Variants in PRKDC observed in about 807,000 individuals in gnomAD.
The protein encoded by PRKDC is DNA-dependent protein kinase catalytic subunit.
Under a neutral mutation model 486.9 loss-of-function variants are expected in PRKDC, and 82 were observed. That is an observed-to-expected ratio of 0.17 (90% CI 0.14 to 0.20). The LOEUF (loss-of-function observed/expected upper bound fraction) is 0.20, where lower values mean the gene tolerates loss of function less well. PRKDC is among the 10% of genes least tolerant of loss of function. PRKDC has a pLI of 1.00. For missense variants in PRKDC, 4,504 were observed against 5,038.2 expected, an observed-to-expected ratio of 0.89 and a Z score of 3.21; for synonymous variants, 1,895 against 1,837.0, an observed-to-expected ratio of 1.03 and a Z score of -0.81.
chr8:47,929,009 T>C, intron 19 of PRKDC, 83 bp downstream of exon 19: 1 of 1,125,130 alleles, frequency 8.9e-7, no homozygotes, highest in South Asian at 1.4e-5. Context: ...AAAATAATTA[T>C]TTATGATCAC....
At chr8:47,893,031 G>C in intron 31 of PRKDC, 108 bp downstream of exon 31, 3 of 1,319,866 alleles carry the variant, frequency 2.3e-6, no homozygotes, top group Non-Finnish European at 3.0e-6. Context: ...GGGCAAGGTG[G>C]TGCACAGCAC....
At chr8:47,849,347 C>T (rs1376481787) in intron 53 of PRKDC, 32 bp downstream of exon 53, 3 of 1,613,748 alleles carry the variant, frequency 1.9e-6, no homozygotes, top group Non-Finnish European at 2.5e-6. Context: ...GAGGACCCTC[C>T]TGCCCCGAAA....
In PRKDC at chr8:47,776,888, G is replaced by A. The variant is rs56123237; in HGVS notation, c.12138C>T (p.Tyr4046=). 2,248 of 1,613,806 alleles carry A rather than the reference G, an allele frequency of 1.4e-3. 4 individuals carry two copies. The highest frequency in any genetic ancestry group is 4.4e-3 in the African/African-American group (327 of 74,990). ...KNWYPRQKIC[Y]AKRKLAGANP... is the part of the protein sequence containing the mutation. ...TGGCACCTGCTAACTTTCTCTTAGC[G>A]TAACATATTTTCTGTCGGGGGTACC... The change falls in exon 85 of 86, where the codon TAC becomes TAT. Residue 4046 remains tyrosine (Y), a synonymous_variant. Transcript: ENST00000314191.
chr8:47,802,745 C>T (rs1364907666), intron 70 of PRKDC, among the ~76,000 whole-genome samples: 2 of 151,910 alleles, frequency 1.3e-5, no homozygotes, highest in African/African-American at 2.4e-5. Context: ...CTCTACCTCC[C>T]GGGTTCACAC....
At chr8:47,824,579 T>C (rs930064026) in intron 63 of PRKDC, among the ~76,000 whole-genome samples, 33 of 150,506 alleles carry the variant, frequency 2.2e-4, no homozygotes, top group African/African-American at 7.5e-4. Flanking sequence ...TTATAATATC[T>C]ACAGGCGAAC....
Position 47,820,791 on chromosome 8 carries a change from C to T in PRKDC, c.9264G>A (p.Leu3088=), listed in dbSNP as rs2087574769. Residue 3088 remains leucine, a synonymous_variant, in exon 66 of 86, where the codon CTG becomes CTA. Transcript: ENST00000314191. ...LELHYSQELS[L]LYLLQDDVDR... is the part of the protein sequence containing the mutation. Reference sequence around the variant, plus strand: ...CAACATCATCTTGCAGGAGGTAAAGCAGACTCAGCTCTTGACTGTAATGAA... The same window carrying T: ...CAACATCATCTTGCAGGAGGTAAAGTAGACTCAGCTCTTGACTGTAATGAA... The T allele has an allele frequency of 6.2e-7, 1 of 1,611,772 alleles. No individual in the cohort carries two copies. Among genetic ancestry groups the T allele is most frequent in the Non-Finnish European group, 8.5e-7 (1 of 1,178,732 alleles).
Position 47,778,468 on chromosome 8 carries a change from G to A in PRKDC, c.11844C>T (p.Ser3948=), listed in dbSNP as rs774140694. The A allele has an allele frequency of 8.7e-6, 14 of 1,612,156 alleles. No homozygotes were observed. Among genetic ancestry groups the A allele is most frequent in the Admixed American group, 6.7e-5 (4 of 59,766 alleles). ...IGIDFGHAFG[S]ATQFLPVPEL... is the part of the protein sequence containing the mutation. Reference sequence around the variant, plus strand: ...AGCACAGCAAGTGCACCTGTGTAGCGGATCCAAACGCATGCCCAAAGTCGA... The same window carrying A: ...AGCACAGCAAGTGCACCTGTGTAGCAGATCCAAACGCATGCCCAAAGTCGA... The change falls in exon 83 of 86, where the codon TCC becomes TCT. Residue 3948 remains serine, a synonymous_variant. Coordinates refer to ENST00000314191, the MANE Select transcript of PRKDC (RefSeq NM_006904.7).
At position 47,852,810 on chromosome 8, in the gene PRKDC, T is replaced by C. The variant is rs540355764; in HGVS notation, c.6894-26A>G. On this transcript the variant is annotated intron_variant, in intron 51 of 85. Coordinates refer to ENST00000314191, the MANE Select transcript of PRKDC (RefSeq NM_006904.7). ...CTACAATAAACACAGAAAAGACATA[T>C]GCATCAAATAAACCATTCTGTTGTT... 2.0e-4 allele frequency: 269 copies of C among 1,375,240 alleles called. 6 individuals are homozygous for C. The South Asian group carries it at 3.2e-3, about 16-fold the overall frequency. 85.2% of individuals were successfully genotyped at this position (1,375,240 alleles called of 1,614,324 possible).
Position 47,828,285 on chromosome 8 carries a change from C to T in PRKDC, c.8460G>A (p.Met2820Ile), listed in dbSNP as rs1238355407. The T allele has an allele frequency of 1.9e-6, 3 of 1,603,778 alleles. No individual in the cohort carries two copies. Among genetic ancestry groups the T allele is most frequent in the Non-Finnish European group, 2.6e-6 (3 of 1,175,146 alleles). Residue 2820 changes from methionine to isoleucine, a missense_variant, in exon 62 of 86, where the codon ATG becomes ATA. Transcript: ENST00000314191. ...SSLFSGILKE[M>I]DKFKTLSEKN... is the part of the protein sequence containing the mutation. ...TTTCAGACAGTGTCTTAAATTTATC[C>T]ATCTCTTTCAAAATTCCAGAAAACA...
At chr8:47,827,981 G>A (rs1015310424) in intron 62 of PRKDC, among the ~76,000 whole-genome samples, 187 bp downstream of exon 62, 2 of 151,972 alleles carry the variant, frequency 1.3e-5, no homozygotes, top group South Asian at 2.1e-4. Context: ...GTCACATATC[G>A]GTTTTTCTGG....
chr8:47,906,914 C>T (rs990268066), intron 25 of PRKDC, among the ~76,000 whole-genome samples: 2 of 151,552 alleles, frequency 1.3e-5, no homozygotes, highest in South Asian at 2.1e-4. Flanking sequence ...ATTTTTTTCC[C>T]CTAATACCTT....
chr8:47,809,252 C>T (rs976894835), intron 68 of PRKDC, among the ~76,000 whole-genome samples: 7 of 152,064 alleles, frequency 4.6e-5, no homozygotes, highest in Non-Finnish European at 8.8e-5. Context: ...CCCTTGCTGG[C>T]CATTTCCTGT....
At chr8:47,827,062 G>A (rs1187078712) in intron 62 of PRKDC, among the ~76,000 whole-genome samples, 1 of 148,652 alleles carries the variant, frequency 6.7e-6, no homozygotes, top group Non-Finnish European at 1.5e-5. Context: ...TTAATTTTAC[G>A]CTTCCATTCC....
At chr8:47,805,386 A>G (rs2087197842) in intron 69 of PRKDC, among the ~76,000 whole-genome samples, 1 of 152,158 alleles carries the variant, frequency 6.6e-6, no homozygotes, top group Non-Finnish European at 1.5e-5. Flanking sequence ...GCCTAGGGAT[A>G]CTGAGCATCT....
chr8:47,908,122 T>C (rs2089826210), intron 25 of PRKDC, among the ~76,000 whole-genome samples: 1 of 152,256 alleles, frequency 6.6e-6, no homozygotes, highest in Non-Finnish European at 1.5e-5. Flanking sequence ...TGCAGAGCAC[T>C]GTGCCTGTGT....
At position 47,918,355 on chromosome 8, in the gene PRKDC, T is replaced by C; in HGVS notation, c.2448A>G (p.Ser816=). Reference sequence around the variant, plus strand: ...CTTTCTGGGCAGCCCGAGAAAGAGCTGACACTTCCCAGTTATTCTTGGTCT... The same window carrying C: ...CTTTCTGGGCAGCCCGAGAAAGAGCCGACACTTCCCAGTTATTCTTGGTCT... ...SDETKNNWEV[S]ALSRAAQKGF... The change falls in exon 22 of 86, where the codon TCA becomes TCG. Residue 816 remains serine (S), a synonymous_variant. Transcript: ENST00000314191. The C allele has an allele frequency of 6.3e-7, 1 of 1,591,208 alleles. No individual in the cohort carries two copies. Among genetic ancestry groups the C allele is most frequent in the South Asian group, 1.2e-5 (1 of 86,694 alleles).
rs199828486 is a variant in PRKDC, at chr8:47,830,788, T to C, written c.8266-52A>G. 3,394 of 1,608,794 alleles carry C rather than the reference T, an allele frequency of 2.1e-3. 6 individuals are homozygous for C. The highest frequency in any genetic ancestry group is 2.7e-3 in the Admixed American group (162 of 59,984). On this transcript the variant is annotated intron_variant, in intron 60 of 85. Transcript: ENST00000314191. The stretch of plus-strand genomic sequence containing the variant: ...GATGAGCATTCTCATTGAAGGAAAC[T>C]AGTCGTGCATGAGCTATGAGGCTGC...
intron 21 of PRKDC, among the ~76,000 whole-genome samples, chr8:47,925,062 G>A (rs755995496): frequency 1.2e-4 from 19 of 152,174 alleles, no homozygotes; most frequent in Non-Finnish European, 2.5e-4. Flanking sequence ...CCCCATGCCA[G>A]GCCACCCCAT....
At chr8:47,911,625 T>G (rs1034113049) in intron 25 of PRKDC, among the ~76,000 whole-genome samples, 11 of 152,222 alleles carry the variant, frequency 7.2e-5, no homozygotes, top group Non-Finnish European at 1.3e-4. Flanking sequence ...TTTTTAAGTG[T>G]GTACCCTGAT....
Sources: allele counts gnomAD v4.1 joint callset (sites outside exome capture counted in the v4.1 genomes callset), GRCh38; gene constraint gnomAD v4.1.1; transcripts MANE v1.5; gene names NCBI Gene and HGNC (gene_info 2026-07-23, HGNC 2026-07-21).